KAZN: variants seen among roughly 807,000 people sequenced by gnomAD.
The protein encoded by KAZN is kazrin.
In KAZN, 40 loss-of-function variants were observed where a neutral mutation model predicts 87.4. That is an observed-to-expected ratio of 0.46 (90% CI 0.36 to 0.60). The LOEUF is 0.60. Among genes scored for constraint, KAZN ranks in the 20% least tolerant of loss-of-function variants. The pLI, the probability that KAZN is intolerant of heterozygous loss-of-function variation, is 0.00. For missense variants in KAZN, 898 were observed against 1,073.9 expected (o/e 0.84, Z 2.29); for synonymous variants, 466 against 458.3 (o/e 1.02, Z -0.22).
chr1:14,335,626 G>A (rs1449030193), intron 2 of KAZN, among the ~76,000 whole-genome samples: 1 of 152,120 alleles, frequency 6.6e-6, no homozygotes, highest in Non-Finnish European at 1.5e-5. Context: ...AGAGGCTGGT[G>A]CCATACTTGT....
rs1159555854 is a variant in KAZN, at chr1:14,410,902, C to T, written c.250-188081C>T. Among the ~76,000 whole-genome samples, 15 of 152,290 alleles carry T rather than the reference C, an allele frequency of 9.8e-5. No homozygotes were observed. The East Asian group carries it at 2.9e-3, about 29-fold the overall frequency. ...CCTGCCAACATCTTGATATTAACCCCAGGACACTGATTGTGGACTTCTGGC... is the reference window on the plus strand; with the variant it reads ...CCTGCCAACATCTTGATATTAACCCTAGGACACTGATTGTGGACTTCTGGC... On this transcript the variant is annotated intron_variant, in intron 2 of 16. Transcript: ENST00000636203.
At chr1:15,093,481 A>G (rs1640648953) in intron 8 of KAZN, among the ~76,000 whole-genome samples, 1 of 152,108 alleles carries the variant, frequency 6.6e-6, no homozygotes, top group Non-Finnish European at 1.5e-5. Context: ...GATATTGAGA[A>G]GCACACAGTT....
intron 1 of KAZN, among the ~76,000 whole-genome samples, chr1:14,601,277 A>G (rs1279334735): frequency 1.3e-5 from 2 of 152,118 alleles, no homozygotes; most frequent in Non-Finnish European, 2.9e-5. Context: ...TTTAAACTCT[A>G]CTTGATTGTT....
intron 1 of KAZN, among the ~76,000 whole-genome samples, chr1:14,132,891 C>A (rs1483112257): frequency 6.6e-6 from 1 of 152,048 alleles, no homozygotes; most frequent in Non-Finnish European, 1.5e-5. Context: ...ACCACTGTCT[C>A]CAACACTTCC....
At chr1:14,675,488 C>G (rs147835092) in intron 1 of KAZN, among the ~76,000 whole-genome samples, 88 of 152,242 alleles carry the variant, frequency 5.8e-4, no homozygotes, top group African/African-American at 2.1e-3. Context: ...GTCTTTCATG[C>G]CTGTGTCCTC....
chr1:14,506,545 C>A (rs1250525407), intron 2 of KAZN, among the ~76,000 whole-genome samples: 3 of 152,134 alleles, frequency 2.0e-5, no homozygotes, highest in Admixed American at 6.5e-5. Flanking sequence ...TAACCTCGAG[C>A]AAATTGCTTT....
intron 1 of KAZN, among the ~76,000 whole-genome samples, chr1:14,003,412 T>C (rs1639892974): frequency 6.7e-6 from 1 of 150,038 alleles, no homozygotes; most frequent in Admixed American, 6.6e-5. Context: ...GTCAAGGCAA[T>C]CTAGCCAGCA....
intron 2 of KAZN, among the ~76,000 whole-genome samples, chr1:14,475,323 C>G (rs1370549855): frequency 6.6e-6 from 1 of 152,170 alleles, no homozygotes; most frequent in African/African-American, 2.4e-5. Context: ...AATTAAGAAG[C>G]CTCACTTTCT....
At chr1:14,040,292 T>G (rs901258376) in intron 1 of KAZN, among the ~76,000 whole-genome samples, 1 of 152,040 alleles carries the variant, frequency 6.6e-6, no homozygotes, top group African/African-American at 2.4e-5. Flanking sequence ...AATTGAAGCT[T>G]CTCGGGGAGA....
rs779022544 is a variant in KAZN at position 15,103,333 on chromosome 1, C to G, written c.1780-26C>G. On this transcript the variant is annotated intron_variant, in intron 11 of 14. Transcript: ENST00000376030. Reference sequence around the variant, plus strand: ...GCCTCTGCGTGTCCCCTTGTCCCTCCGAATGACCCACTGTCTCCCCACAAG... The same window carrying G: ...GCCTCTGCGTGTCCCCTTGTCCCTCGGAATGACCCACTGTCTCCCCACAAG... The G allele has an allele frequency of 1.6e-5, 24 of 1,535,350 alleles. No homozygotes were observed. In the South Asian group the frequency reaches 2.9e-4, roughly 18 times the overall value.
At position 14,584,784 on chromosome 1, in the gene KAZN, A is replaced by C. The variant is rs979729068; in HGVS notation, c.250-14199A>C. Among the ~76,000 whole-genome samples the C allele has an allele frequency of 6.6e-5, 10 of 152,198 alleles. No individual in the cohort carries two copies. In the East Asian group the frequency reaches 9.7e-4, roughly 15 times the overall value. ...CTCAACCTCCCGAGTAGCTGGGATTACAGGCATGCACCACCACGCCTGGCT... is the reference window on the plus strand; with the variant it reads ...CTCAACCTCCCGAGTAGCTGGGATTCCAGGCATGCACCACCACGCCTGGCT... On this transcript the variant is annotated intron_variant, in intron 2 of 16. Transcript: ENST00000636203.
intron 1 of KAZN, among the ~76,000 whole-genome samples, chr1:14,849,577 A>G (rs1649190843): frequency 1.3e-5 from 2 of 152,166 alleles, no homozygotes; most frequent in South Asian, 4.1e-4. Flanking sequence ...TAACCAGAGA[A>G]TATTAAAAAA....
In KAZN at chr1:15,094,103, T is replaced by TC; in HGVS notation, c.1223-74dup. ...GAGGATGTCCCCACCACCCTCTGCC[T>TC]CCCGGGGGTATGGCCTGCCCAGCCC... is the stretch of plus-strand genomic sequence containing the variant. On this transcript the variant is annotated intron_variant, in intron 8 of 14. Transcript: ENST00000376030. This position sits in a 1 kb window ranked among gnomAD's most constrained non-coding sequence, Gnocchi z 4.5. 7.4e-7 allele frequency: 1 copy of TC among 1,358,644 alleles called. No individual in the cohort carries two copies. Among genetic ancestry groups the TC allele is most frequent in the Admixed American group, 1.8e-5 (1 of 54,348 alleles). The allele number at this position is 1,358,644 out of a possible 1,614,324, so 84.2% of individuals were successfully genotyped here.
chr1:15,060,945 T>TA (rs1638741309), intron 6 of KAZN: 1 of 152,210 alleles, frequency 6.6e-6, no homozygotes. Flanking sequence ...TAACATGAAA[T>TA]ATTGGGGTCT....
At chr1:13,942,538 C>T (rs1433615995) in intron 1 of KAZN, among the ~76,000 whole-genome samples, 3 of 91,478 alleles carry the variant, frequency 3.3e-5, no homozygotes, top group Non-Finnish European at 5.8e-5. Flanking sequence ...CAGAGCGAGA[C>T]TCCGTCTCAA....
chr1:14,465,666 G>A (rs574882605), intron 2 of KAZN, among the ~76,000 whole-genome samples: 1 of 152,246 alleles, frequency 6.6e-6, no homozygotes, highest in Admixed American at 6.5e-5. Flanking sequence ...ACAAGTCACT[G>A]AGGCCAGTCT....
chr1:13,926,649 A>G (rs913765230), intron 1 of KAZN, among the ~76,000 whole-genome samples: 1 of 123,582 alleles, frequency 8.1e-6, no homozygotes, highest in East Asian at 2.4e-4. Context: ...TATCTTTAAG[A>G]GTTAAAAAAA....
chr1:14,899,337 C>T (rs1391965041), intron 1 of KAZN, among the ~76,000 whole-genome samples: 1 of 152,220 alleles, frequency 6.6e-6, no homozygotes, highest in Admixed American at 6.5e-5. Flanking sequence ...GTCCTCACCT[C>T]TCTTCAGCCT....
chr1:15,083,701 T>C (rs1005966809), intron 8 of KAZN, among the ~76,000 whole-genome samples: 4 of 152,180 alleles, frequency 2.6e-5, no homozygotes, highest in Non-Finnish European at 5.9e-5. Context: ...TCTCTGTGTC[T>C]GTCTCTCACT....
Sources: allele counts gnomAD v4.1 joint callset (sites outside exome capture counted in the v4.1 genomes callset), GRCh38; gene constraint gnomAD v4.1.1; non-coding constraint Gnocchi (gnomAD v3.1); transcripts MANE v1.5; gene names NCBI Gene and HGNC (gene_info 2026-07-23, HGNC 2026-07-21).